The following LIG3 variants were observed in gnomAD, a reference collection of about 807,000 sequenced individuals.
LIG3 encodes the protein DNA ligase 3.
LIG3 carries 58 observed loss-of-function variants against 110.9 expected under a neutral mutation model. That is an observed-to-expected ratio of 0.52 (90% CI 0.42 to 0.65). LIG3 has a LOEUF of 0.65. LIG3 is among the 30% of genes least tolerant of loss of function. LIG3 has a pLI of 0.00. For missense variants in LIG3, 1,094 were observed against 1,273.8 expected (o/e 0.86, Z 2.15); for synonymous variants, 422 against 472.8 (o/e 0.89, Z 1.39).
At chr17:34,989,784 T>A in intron 4 of LIG3, 121 bp downstream of exon 4, 1 of 851,800 alleles carries the variant, frequency 1.2e-6, no homozygotes, top group Non-Finnish European at 1.9e-6. Context: ...TGCTGTACTG[T>A]AGTGCTATCT....
At chr17:34,986,883 A>G (rs1187706149) in intron 3 of LIG3, among the ~76,000 whole-genome samples, 4 of 152,300 alleles carry the variant, frequency 2.6e-5, no homozygotes, top group African/African-American at 9.6e-5. Context: ...CTGTTTATTC[A>G]AAACACTGGA....
chr17:35,006,975 A>G lies in LIG3; in HGVS notation c.*2469A>G, dbSNP rs1188509595. On this transcript the variant is annotated 3_prime_UTR_variant, in exon 20 of 20. Transcript: ENST00000378526. ...AGGCACCATTCAGCCTTGCTTCAGT[A>G]TTAGGAATAAGATACTTTTTATTCC... The G allele has an allele frequency of 2.0e-5, 3 of 152,264 alleles. No individual in the cohort carries two copies. Among genetic ancestry groups the G allele is most frequent in the African/African-American group, 7.2e-5 (3 of 41,462 alleles). 9.4% of individuals were successfully genotyped at this position (152,264 alleles called of 1,614,324 possible).
chr17:34,998,164 C>A, intron 12 of LIG3, 55 bp from the exon 13 acceptor site: 1 of 1,361,832 alleles, frequency 7.3e-7, no homozygotes, highest in Non-Finnish European at 1.0e-6. Flanking sequence ...AACCCCCACT[C>A]ACTCACCACC....
At chr17:34,995,105 T>A (rs2090764424) in intron 9 of LIG3, among the ~76,000 whole-genome samples, 2 of 152,192 alleles carry the variant, frequency 1.3e-5, no homozygotes, top group Admixed American at 6.5e-5. Context: ...CAGATGGAAT[T>A]CCTATCTTTG....
Position 34,991,839 on chromosome 17 carries a change from TG to T in LIG3, c.1208+7del. ...GGCCCTACAGGACATTGCCTCCAGG[TG>T]GGGGAGCTGCCTCCGTCAAACCATG... On this transcript the variant is annotated splice_donor_region_variant and intron_variant, in intron 6 of 19. Coordinates refer to ENST00000378526, the MANE Select transcript of LIG3 (RefSeq NM_013975.4). The T allele has an allele frequency of 6.2e-7, 1 of 1,613,912 alleles. No homozygotes were observed. The highest frequency in any genetic ancestry group is 8.5e-7 in the Non-Finnish European group (1 of 1,179,944).
chr17:35,005,912 C>T lies in LIG3; in HGVS notation c.*1406C>T, dbSNP rs1567697074. 3.1e-6 allele frequency: 1 copy of T among 327,778 alleles called. No homozygotes were observed. Among genetic ancestry groups the T allele is most frequent in the Non-Finnish European group, 5.9e-6 (1 of 168,334 alleles). 20.3% of individuals were successfully genotyped at this position (327,778 alleles called of 1,614,324 possible). ...ATTGAAGCTCGGACTAGAATTTCTT[C>T]TTGGTATCAGAGAGACAAGTTTATC... is the stretch of plus-strand genomic sequence containing the variant. On this transcript the variant is annotated 3_prime_UTR_variant, in exon 20 of 20. Transcript: ENST00000378526.
At chr17:34,991,166 A>G in intron 5 of LIG3, 52 bp downstream of exon 5, 1 of 1,566,390 alleles carries the variant, frequency 6.4e-7, no homozygotes, top group Admixed American at 1.8e-5. Flanking sequence ...GGTTTTGCCA[A>G]GCCAGGCACC....
rs1404786648 is a variant in LIG3 at position 35,008,396 on chromosome 17, G to A, written c.*3890G>A. The A allele has an allele frequency of 5.3e-5, 8 of 152,098 alleles. No individual in the cohort carries two copies. Among genetic ancestry groups the A allele is most frequent in the East Asian group, 1.9e-4 (1 of 5,168 alleles). 9.4% of individuals were successfully genotyped at this position (152,098 alleles called of 1,614,324 possible). A position where few individuals can be genotyped will look rare whatever the true frequency, so the allele number is the denominator to read the frequency against. On this transcript the variant is annotated 3_prime_UTR_variant, in exon 20 of 20. Transcript: ENST00000378526. ...CAACCACAGGCTAATCCCAGGCCAT[G>A]TGCACATCCCAGGATTAGCTTGTGG...
At position 35,007,084 on chromosome 17, in the gene LIG3, A is replaced by G. The variant is rs1022905780; in HGVS notation, c.*2578A>G. The G allele has an allele frequency of 4.6e-5, 7 of 152,118 alleles. No homozygotes were observed. Among genetic ancestry groups the G allele is most frequent in the Admixed American group, 4.6e-4 (7 of 15,268 alleles). The allele number at this position is 152,118 out of a possible 1,614,324, so 9.4% of individuals were successfully genotyped here. A position where few individuals can be genotyped will look rare whatever the true frequency, so the allele number is the denominator to read the frequency against. ...ATTTCTCTCTTCAGCCTCAGGCCAA[A>G]CAAACAACCGGACAGGGCAGCAGAA... On this transcript the variant is annotated 3_prime_UTR_variant, in exon 20 of 20. Transcript: ENST00000378526.
chr17:35,010,392 G>T (rs1859248), downstream of LIG3: 1 of 152,076 alleles, frequency 6.6e-6, no homozygotes, highest in Non-Finnish European at 1.5e-5. Flanking sequence ...TCCTCTAGGG[G>T]TGTAAAGACT....
chr17:35,002,891 T>G (rs2090859174), intron 19 of LIG3, 102 bp downstream of exon 19: 4 of 1,592,544 alleles, frequency 2.5e-6, no homozygotes, highest in Non-Finnish European at 3.4e-6. Flanking sequence ...CAAAGGTGTT[T>G]GGGGAACATC....
In LIG3 at chr17:34,995,957, A is replaced by G. The variant is rs564390263; in HGVS notation, c.1612-107A>G. ...GTTTTGCACATTAGCTGGGCCTTCC[A>G]CATGTTGTTCTATATCCTGTCTGGG... On this transcript the variant is annotated intron_variant, in intron 9 of 19. Coordinates refer to ENST00000378526, the MANE Select transcript of LIG3 (RefSeq NM_013975.4). 4.4e-5 allele frequency: 61 copies of G among 1,393,258 alleles called. 2 individuals carry two copies. In the South Asian group the frequency reaches 7.9e-4, roughly 18 times the overall value. 86.3% of individuals were successfully genotyped at this position (1,393,258 alleles called of 1,614,324 possible). A position where few individuals can be genotyped will look rare whatever the true frequency, so the allele number is the denominator to read the frequency against.
chr17:34,997,799 A>G lies in LIG3; in HGVS notation c.1885A>G (p.Met629Val), dbSNP rs2090794894. The G allele has an allele frequency of 6.2e-7, 1 of 1,614,132 alleles. No homozygotes were observed. The highest frequency in any genetic ancestry group is 1.3e-5 in the African/African-American group (1 of 75,050). ...DNMVEIPNRI[M>V]FSEMKRVTKA... ...CATGGTTGAAATTCCAAACCGGATC[A>G]TGTTCTCAGAAATGAAGCGAGTCAC... Residue 629 changes from methionine to valine, a missense_variant, in exon 12 of 20, where the codon ATG (methionine) becomes GTG (valine). By Grantham distance (21) the Met-to-Val change is conservative (BLOSUM62 1). Coordinates refer to ENST00000378526, the MANE Select transcript of LIG3 (RefSeq NM_013975.4).
rs1430387752 is a variant in LIG3 at position 35,008,886 on chromosome 17, C to G, written c.*4380C>G. ...GACCTCGTGATCTGCCCGCCTCAGC[C>G]TCCCAAAGTGCTGGGATTACAGGCG... On this transcript the variant is annotated 3_prime_UTR_variant, in exon 20 of 20. Coordinates refer to ENST00000378526, the MANE Select transcript of LIG3 (RefSeq NM_013975.4). 2.0e-5 allele frequency: 3 copies of G among 152,262 alleles called. No individual in the cohort carries two copies. Among genetic ancestry groups the G allele is most frequent in the Non-Finnish European group, 4.4e-5 (3 of 68,090 alleles). 9.4% of individuals were successfully genotyped at this position (152,262 alleles called of 1,614,324 possible).
intron 16 of LIG3, among the ~76,000 whole-genome samples, chr17:35,000,504 C>T (rs941128840): frequency 1.3e-5 from 2 of 151,450 alleles, no homozygotes; most frequent in South Asian, 2.1e-4. Flanking sequence ...GTGACCTGCC[C>T]GCCTCAGTCT....
At chr17:34,997,590 ACAG>A in intron 11 of LIG3, 145 bp from the exon 12 acceptor site, 1 of 629,980 alleles carries the variant, frequency 1.6e-6, no homozygotes, top group Non-Finnish European at 2.9e-6. Flanking sequence ...GTAGCCCTTG[ACAG>A]CAGAACTGTT....
At chr17:35,001,493 C>G (rs1321160300) in intron 17 of LIG3, 90 bp downstream of exon 17, 10 of 1,320,842 alleles carry the variant, frequency 7.6e-6, no homozygotes, top group Non-Finnish European at 7.5e-6. Flanking sequence ...TGTCCTCTGT[C>G]TTCTCCTTTC....
chr17:35,003,293 C>T, intron 19 of LIG3: 2 of 757,270 alleles, frequency 2.6e-6, no homozygotes, highest in Non-Finnish European at 4.0e-6. Context: ...TTGGCAACAT[C>T]TCCTGAGCAA....
At position 35,009,307 on chromosome 17, in the gene LIG3, ATTC is replaced by A. The variant is rs1490967929; in HGVS notation, c.*4804_*4806del. 1 of 152,400 alleles carries A rather than the reference ATTC, an allele frequency of 6.6e-6. No homozygotes were observed. Among genetic ancestry groups the A allele is most frequent in the Non-Finnish European group, 1.5e-5 (1 of 68,040 alleles). 9.4% of individuals were successfully genotyped at this position (152,400 alleles called of 1,614,324 possible). On this transcript the variant is annotated 3_prime_UTR_variant, in exon 20 of 20. Coordinates refer to ENST00000378526, the MANE Select transcript of LIG3 (RefSeq NM_013975.4). ...TTGAGCACTAGTTCCTGTACAGCTTATTCTTATTAGTTTGGATCCAACTATTCC... is the reference window on the plus strand; with the variant it reads ...TTGAGCACTAGTTCCTGTACAGCTTATTATTAGTTTGGATCCAACTATTCC...
Sources: gnomAD v4.1 joint callset for allele counts (sites outside exome capture counted in the v4.1 genomes callset) on GRCh38, gnomAD v4.1.1 for gene constraint, MANE v1.5 for transcripts, NCBI Gene and HGNC (gene_info 2026-07-23, HGNC 2026-07-21) for gene names.